Variants in EPHA7 observed in about 807,000 individuals in gnomAD.
EPHA7 encodes the protein EPH receptor A7.
In EPHA7, 25 loss-of-function variants were observed where a neutral mutation model predicts 112.6. The observed-to-expected ratio is 0.22, with a 90% confidence interval of 0.16 to 0.31. The LOEUF (loss-of-function observed/expected upper bound fraction) is 0.31. Among genes scored for constraint, EPHA7 ranks in the 10% least tolerant of loss-of-function variants. The pLI is 1.00. For synonymous variants in EPHA7, 437 were observed against 406.5 expected, an observed-to-expected ratio of 1.07 and a Z score of -0.90; for missense variants, 962 against 1,212.6, an observed-to-expected ratio of 0.79 and a Z score of 3.07.
intron 5 of EPHA7, among the ~76,000 whole-genome samples, chr6:93,286,039 A>T (rs963093065): frequency 6.6e-6 from 1 of 152,148 alleles, no homozygotes; most frequent in Admixed American, 6.6e-5. Context: ...AATATTTATT[A>T]CCTGGCCCTT....
chr6:93,371,260 G>GA (rs36084445), intron 3 of EPHA7, among the ~76,000 whole-genome samples: 2 of 151,312 alleles, frequency 1.3e-5, no homozygotes, highest in African/African-American at 4.9e-5. Context: ...AATATTTGGG[G>GA]AAAAAAATAA....
chr6:93,351,152 A>G (rs1369733986), intron 5 of EPHA7, among the ~76,000 whole-genome samples: 2 of 152,058 alleles, frequency 1.3e-5, no homozygotes, highest in African/African-American at 4.8e-5. Flanking sequence ...TCTGAAAAGT[A>G]ACACCTTGCT....
intron 5 of EPHA7, among the ~76,000 whole-genome samples, chr6:93,320,319 C>A (rs1774004631): frequency 6.6e-6 from 1 of 152,008 alleles, no homozygotes; most frequent in African/African-American, 2.4e-5. Flanking sequence ...CTTAGCAAAG[C>A]ATTTTAATAT....
intron 5 of EPHA7, among the ~76,000 whole-genome samples, chr6:93,273,542 C>A (rs146097999): frequency 3.8e-4 from 58 of 151,942 alleles, no homozygotes; most frequent in African/African-American, 1.3e-3. Flanking sequence ...TTTTTCACTT[C>A]TTTCTGGCTT....
chr6:93,388,279 C>A (rs570567774), intron 3 of EPHA7, among the ~76,000 whole-genome samples: 5 of 152,020 alleles, frequency 3.3e-5, no homozygotes, highest in Middle Eastern at 3.2e-3. Flanking sequence ...TAGTCTTAAT[C>A]CCCTATTCTT....
intron 7 of EPHA7, among the ~76,000 whole-genome samples, chr6:93,265,762 G>A (rs1201626716): frequency 1.3e-5 from 2 of 151,570 alleles, no homozygotes; most frequent in Non-Finnish European, 3.0e-5. Flanking sequence ...TTTAATTTAA[G>A]GCAGGATGGG....
rs776851144 is a variant in EPHA7, at chr6:93,414,750, TAGA to T, written c.112_114del (p.Ser38del). On this transcript the variant is annotated inframe_deletion, in exon 2 of 17. Coordinates refer to ENST00000369303, the MANE Select transcript of EPHA7 (RefSeq NM_004440.4). ...CACTCCAACTCTGTTTGTTGTGCTT[TAGA>T]ATCCAGCAGTAGTACTGAAAAAGAA... 6.2e-7 allele frequency: 1 copy of T among 1,612,654 alleles called. No individual in the cohort carries two copies. Among genetic ancestry groups the T allele is most frequent in the Non-Finnish European group, 8.5e-7 (1 of 1,179,128 alleles).
At chr6:93,249,228 T>C (rs3799827) in intron 14 of EPHA7, among the ~76,000 whole-genome samples, 98,368 of 151,970 alleles carry the variant, frequency 0.65, 32,898 homozygotes, top group South Asian at 0.83. Flanking sequence ...CAAACAAATA[T>C]ATACAAATGG....
intron 5 of EPHA7, among the ~76,000 whole-genome samples, chr6:93,348,108 A>G (rs1193041339): frequency 2.0e-5 from 3 of 151,864 alleles, no homozygotes; most frequent in African/African-American, 7.3e-5. Flanking sequence ...CATTACAAAT[A>G]TTAACCATAT....
At chr6:93,245,165 T>TGCGTATTAAA in intron 16 of EPHA7, 133 bp downstream of exon 16, 1 of 823,182 alleles carries the variant, frequency 1.2e-6, no homozygotes, top group Non-Finnish European at 1.8e-6. Context: ...CAGTAAGAAC[T>TGCGTATTAAA]TGTTAAAGAA....
In EPHA7 at chr6:93,356,949, G is replaced by A. The variant is rs200560907; in HGVS notation, c.1092C>T (p.Thr364=). The change falls in exon 5 of 17, where the codon ACC becomes ACT. Residue 364 remains threonine, a synonymous_variant. Transcript: ENST00000369303. ...PADNGGRNDV[T]YRILCKRCSW... ...TGCACCGCTTACACAATATTCTGTA[G>A]GTCACATCGTTTCTTCCCCCATTGT... 8.7e-5 allele frequency: 141 copies of A among 1,614,118 alleles called. No homozygotes were observed. Among genetic ancestry groups the A allele is most frequent in the East Asian group, 2.2e-5 (1 of 44,872 alleles).
At chr6:93,419,219 C>T (rs958604714) in intron 1 of EPHA7, 26 bp downstream of exon 1, 2 of 1,593,456 alleles carry the variant, frequency 1.3e-6, no homozygotes, top group Non-Finnish European at 1.7e-6. Flanking sequence ...TAAGTCAGAA[C>T]AAACTTTGCT....
At chr6:93,352,212 A>C (rs1433004189) in intron 5 of EPHA7, among the ~76,000 whole-genome samples, 1 of 152,086 alleles carries the variant, frequency 6.6e-6, no homozygotes, top group Non-Finnish European at 1.5e-5. Flanking sequence ...CTTTGAGGAG[A>C]GACCACATAT....
At chr6:93,288,511 C>T (rs1358550331) in intron 5 of EPHA7, among the ~76,000 whole-genome samples, 1 of 152,154 alleles carries the variant, frequency 6.6e-6, no homozygotes, top group Non-Finnish European at 1.5e-5. Flanking sequence ...TTATTAAAAT[C>T]ACTGAATTAT....
intron 5 of EPHA7, among the ~76,000 whole-genome samples, chr6:93,298,013 C>T (rs1365385478): frequency 6.6e-6 from 1 of 152,088 alleles, no homozygotes; most frequent in Non-Finnish European, 1.5e-5. Context: ...TTCAGAGATT[C>T]TTTCAAAGAC....
At chr6:93,318,856 A>T (rs945131874) in intron 5 of EPHA7, among the ~76,000 whole-genome samples, 2 of 152,166 alleles carry the variant, frequency 1.3e-5, no homozygotes, top group African/African-American at 4.8e-5. Flanking sequence ...CTGAAAGGAA[A>T]AGAAAAACAG....
chr6:93,382,764 C>T (rs1214127999), intron 3 of EPHA7, among the ~76,000 whole-genome samples: 3 of 152,136 alleles, frequency 2.0e-5, no homozygotes, highest in African/African-American at 7.2e-5. Context: ...AGGATTTAAT[C>T]TAACTTGTCC....
intron 3 of EPHA7, among the ~76,000 whole-genome samples, chr6:93,382,347 T>A (rs938762095): frequency 2.0e-5 from 3 of 152,104 alleles, no homozygotes; most frequent in Non-Finnish European, 4.4e-5. Context: ...CATGGACAGT[T>A]CACAGTAAGG....
chr6:93,284,441 A>G (rs761588113), intron 5 of EPHA7, among the ~76,000 whole-genome samples: 205 of 152,284 alleles, frequency 1.3e-3, no homozygotes, highest in Non-Finnish European at 2.1e-3. Context: ...AGAATAAGAA[A>G]GATCAGCAGC....
Sources: gnomAD v4.1 joint callset for allele counts (sites outside exome capture counted in the v4.1 genomes callset) on GRCh38, gnomAD v4.1.1 for gene constraint, MANE v1.5 for transcripts, NCBI Gene and HGNC (gene_info 2026-07-23, HGNC 2026-07-21) for gene names.